STXBP5L: variants seen among roughly 807,000 people sequenced by gnomAD.
STXBP5L encodes the protein syntaxin binding protein 5L.
In STXBP5L, 65 loss-of-function variants were observed where a neutral mutation model predicts 144.5. The observed-to-expected ratio is 0.45, with a 90% CI of 0.37 to 0.55. STXBP5L has a LOEUF of 0.55. Among genes scored for constraint, STXBP5L ranks in the 20% least tolerant of loss-of-function variants. The pLI is 0.00. For missense variants in STXBP5L, 1,298 were observed against 1,405.5 expected (o/e 0.92, Z 1.22); for synonymous variants, 505 against 469.6 (o/e 1.08, Z -0.97).
rs114601829 is a variant in STXBP5L at position 121,014,702 on chromosome 3, A to T, written c.288-26998A>T. On this transcript the variant is annotated intron_variant, in intron 3 of 26. Transcript: ENST00000471454. ...GTACAATTTTACACTCTCACCAGCA[A>T]TATGTCACTGTTTCAGTAGATTCAT... Among the ~76,000 whole-genome samples the T allele has an allele frequency of 2.5e-3, 384 of 152,114 alleles. 1 individual carries two copies. Among genetic ancestry groups the T allele is most frequent in the African/African-American group, 8.6e-3 (358 of 41,528 alleles).
Position 120,992,669 on chromosome 3 carries a change from G to A in STXBP5L, c.287+37632G>A, listed in dbSNP as rs1324713916. On this transcript the variant is annotated intron_variant, in intron 3 of 26. Coordinates refer to ENST00000471454, the MANE Select transcript of STXBP5L (RefSeq NM_001308330.2). Reference sequence around the variant, plus strand: ...TAAATAACTGAATAGATTTCATTTTGTATATATACCACATTTTTCTTATTA... The same window carrying A: ...TAAATAACTGAATAGATTTCATTTTATATATATACCACATTTTTCTTATTA... Among the ~76,000 whole-genome samples the A allele has an allele frequency of 2.6e-5, 4 of 151,884 alleles. No homozygotes were observed. In the South Asian group the frequency reaches 6.2e-4, roughly 24 times the overall value.
intron 20 of STXBP5L, among the ~76,000 whole-genome samples, chr3:121,366,566 C>G (rs968212932): frequency 6.6e-6 from 1 of 151,974 alleles, no homozygotes; most frequent in Non-Finnish European, 1.5e-5. Context: ...CTACCCCACT[C>G]TGTTTTGGAT....
rs749911000 is a variant in STXBP5L at position 121,205,991 on chromosome 3, T to C, written c.946T>C (p.Cys316Arg). ...KPILKVEYKT[C>R]KNSEPFIIFS... is the part of the protein sequence containing the mutation. The stretch of plus-strand genomic sequence containing the variant: ...AATTCTTAAAGTAGAATACAAGACC[T>C]GCAAAAACAGGTATGCATTTTTACT... Residue 316 changes from cysteine (C) to arginine (R), a missense_variant, in exon 10 of 27, where the codon TGC (cysteine) becomes CGC (arginine). Coordinates refer to ENST00000471454, the MANE Select transcript of STXBP5L (RefSeq NM_001308330.2). 1 of 1,502,900 alleles carries C rather than the reference T, an allele frequency of 6.7e-7. No homozygotes were observed. The highest frequency in any genetic ancestry group is 8.8e-7 in the Non-Finnish European group (1 of 1,130,242). 93.1% of individuals were successfully genotyped at this position (1,502,900 alleles called of 1,614,324 possible). A position where few individuals can be genotyped will look rare whatever the true frequency, so the allele number is the denominator to read the frequency against.
chr3:121,275,318 A>G (rs775248373), intron 18 of STXBP5L, among the ~76,000 whole-genome samples: 5 of 152,122 alleles, frequency 3.3e-5, no homozygotes, highest in Non-Finnish European at 5.9e-5. Flanking sequence ...AATTGCTGTG[A>G]ATTTGTAGAT....
intron 3 of STXBP5L, among the ~76,000 whole-genome samples, chr3:121,007,577 TCTC>T (rs1350577982): frequency 6.6e-5 from 10 of 152,040 alleles, no homozygotes; most frequent in African/African-American, 2.2e-4. Context: ...GCAGCATTAT[TCTC>T]CTCAGGAATG....
chr3:121,190,091 G>T (rs2047578484), intron 9 of STXBP5L, among the ~76,000 whole-genome samples: 1 of 151,412 alleles, frequency 6.6e-6, no homozygotes, highest in Admixed American at 6.6e-5. Context: ...GATCATTCTT[G>T]GGTGTTTCTC....
intron 18 of STXBP5L, among the ~76,000 whole-genome samples, chr3:121,264,680 G>A (rs943667849): frequency 9.9e-5 from 15 of 151,896 alleles, no homozygotes; most frequent in Non-Finnish European, 2.2e-4. Flanking sequence ...ACACAGACTG[G>A]CAAATTGGAT....
At chr3:121,007,937 T>G (rs894422767) in intron 3 of STXBP5L, among the ~76,000 whole-genome samples, 3 of 152,140 alleles carry the variant, frequency 2.0e-5, no homozygotes, top group Admixed American at 1.3e-4. Context: ...TAAAAAAAAT[T>G]TATAATGGGA....
chr3:121,395,415 A>G (rs957363544), intron 22 of STXBP5L, among the ~76,000 whole-genome samples: 2 of 152,246 alleles, frequency 1.3e-5, no homozygotes, highest in African/African-American at 4.8e-5. Flanking sequence ...TTCCAAAAGC[A>G]TAGTCTTACA....
At chr3:121,370,168 C>A (rs1056578951) in intron 20 of STXBP5L, among the ~76,000 whole-genome samples, 1 of 152,060 alleles carries the variant, frequency 6.6e-6, no homozygotes, top group Non-Finnish European at 1.5e-5. Flanking sequence ...GAGTTCAAGA[C>A]CAACCTGGCC....
At chr3:121,398,363 G>A (rs12635241) in intron 22 of STXBP5L, among the ~76,000 whole-genome samples, 20,492 of 152,174 alleles carry the variant, frequency 0.13, 1,886 homozygotes, top group East Asian at 0.5. Flanking sequence ...AATCTACTGC[G>A]GCACTACCGG....
At chr3:121,088,052 A>G (rs919456074) in intron 5 of STXBP5L, among the ~76,000 whole-genome samples, 4 of 152,094 alleles carry the variant, frequency 2.6e-5, no homozygotes, top group Non-Finnish European at 5.9e-5. Flanking sequence ...ATCAAATATA[A>G]TTTAGAAGCT....
intron 20 of STXBP5L, among the ~76,000 whole-genome samples, chr3:121,366,160 G>C (rs1436395475): frequency 3.3e-5 from 5 of 151,836 alleles, no homozygotes; most frequent in African/African-American, 1.2e-4. Flanking sequence ...AGTCTATCAA[G>C]ACTTCAATTA....
intron 11 of STXBP5L, among the ~76,000 whole-genome samples, chr3:121,232,323 G>A (rs961461383): frequency 6.6e-6 from 1 of 152,056 alleles, no homozygotes; most frequent in Non-Finnish European, 1.5e-5. Flanking sequence ...AGGTTGACAA[G>A]GCTCCCTAGT....
chr3:121,081,038 G>A (rs982073917), intron 5 of STXBP5L, among the ~76,000 whole-genome samples: 1 of 151,728 alleles, frequency 6.6e-6, no homozygotes, highest in Admixed American at 6.6e-5. Context: ...CATATTTCTT[G>A]GAGACTTTAT....
intron 19 of STXBP5L, among the ~76,000 whole-genome samples, chr3:121,315,462 A>G (rs1195699986): frequency 7.7e-6 from 1 of 129,974 alleles, no homozygotes; most frequent in Non-Finnish European, 1.6e-5. Flanking sequence ...AGGAAGGGGA[A>G]CATCACACTC....
chr3:121,004,807 A>G (rs1343777549), intron 3 of STXBP5L, among the ~76,000 whole-genome samples: 1 of 152,190 alleles, frequency 6.6e-6, no homozygotes, highest in African/African-American at 2.4e-5. Context: ...TATTGAGATA[A>G]TCATGTGGGT....
intron 2 of STXBP5L, among the ~76,000 whole-genome samples, chr3:120,911,789 T>C (rs1007546500): frequency 2.0e-5 from 3 of 152,024 alleles, no homozygotes; most frequent in Non-Finnish European, 4.4e-5. Context: ...GATAGGAATA[T>C]AGTTAATTTT....
chr3:121,303,989 T>C (rs1255154968), intron 19 of STXBP5L, among the ~76,000 whole-genome samples: 1 of 151,074 alleles, frequency 6.6e-6, no homozygotes, highest in African/African-American at 2.4e-5. Flanking sequence ...GTAACAAACC[T>C]GCACATTGTG....
Sources: gnomAD v4.1 joint callset for allele counts (sites outside exome capture counted in the v4.1 genomes callset) on GRCh38, gnomAD v4.1.1 for gene constraint, MANE v1.5 for transcripts, NCBI Gene and HGNC (gene_info 2026-07-23, HGNC 2026-07-21) for gene names.